Variants in HS3ST5 observed in about 807,000 individuals in gnomAD.
HS3ST5 encodes the protein heparan sulfate-glucosamine 3-sulfotransferase 5.
HS3ST5 carries 10 observed loss-of-function variants against 25.4 expected under a neutral mutation model. The observed-to-expected ratio is 0.39, with a 90% CI of 0.24 to 0.67. The LOEUF is 0.67. HS3ST5 is among the 30% of genes least tolerant of loss of function. HS3ST5 has a pLI of 0.44. For synonymous variants in HS3ST5, 170 were observed against 162.4 expected (o/e 1.05, Z -0.36); for missense variants, 324 against 420.7 (o/e 0.77, Z 2.01).
intron 3 of HS3ST5, among the ~76,000 whole-genome samples, chr6:114,097,176 C>T (rs1021673535): frequency 6.6e-6 from 1 of 151,748 alleles, no homozygotes; most frequent in African/African-American, 2.4e-5. Context: ...ATATGTATCT[C>T]TATACATATA....
chr6:114,089,994 C>A (rs949997018), intron 3 of HS3ST5, among the ~76,000 whole-genome samples: 1 of 152,166 alleles, frequency 6.6e-6, no homozygotes. Flanking sequence ...GAAGCTCTGG[C>A]GTTGGGGAGG....
chr6:114,286,771 T>G (rs543279913), intron 1 of HS3ST5, among the ~76,000 whole-genome samples: 48 of 152,120 alleles, frequency 3.2e-4, no homozygotes, highest in African/African-American at 1.2e-3. Flanking sequence ...AGTAATTAAT[T>G]TTAAAAAGAA....
intron 1 of HS3ST5, among the ~76,000 whole-genome samples, chr6:114,237,935 A>T (rs1771933797): frequency 6.6e-6 from 1 of 152,192 alleles, no homozygotes; most frequent in Non-Finnish European, 1.5e-5. Context: ...TCTAAAAGCA[A>T]TTTTGTATCT....
intron 1 of HS3ST5, among the ~76,000 whole-genome samples, chr6:114,229,939 C>T (rs1294882714): frequency 6.6e-6 from 1 of 152,084 alleles, no homozygotes; most frequent in African/African-American, 2.4e-5. Flanking sequence ...CCTGTGTAAA[C>T]CATTCAGTTG....
chr6:114,278,372 G>C (rs983860647), intron 1 of HS3ST5, among the ~76,000 whole-genome samples: 3 of 151,552 alleles, frequency 2.0e-5, no homozygotes, highest in Admixed American at 1.3e-4. Context: ...GCATAATTTT[G>C]CTTGCAAATT....
chr6:114,338,522 C>A (rs1776699900), intron 1 of HS3ST5, among the ~76,000 whole-genome samples: 1 of 151,804 alleles, frequency 6.6e-6, no homozygotes, highest in Non-Finnish European at 1.5e-5. Flanking sequence ...TAGTAAGACA[C>A]CATAATGGAA....
chr6:114,108,493 C>T (rs1776100285), intron 3 of HS3ST5, among the ~76,000 whole-genome samples: 1 of 152,076 alleles, frequency 6.6e-6, no homozygotes, highest in South Asian at 2.1e-4. Flanking sequence ...CTGGTGATGC[C>T]GGCCCCTAGA....
intron 3 of HS3ST5, among the ~76,000 whole-genome samples, chr6:114,079,978 T>C (rs973734244): frequency 2.0e-5 from 3 of 152,108 alleles, no homozygotes; most frequent in Non-Finnish European, 4.4e-5. Flanking sequence ...GGTTTCTCCA[T>C]GTTGGTCAGG....
chr6:114,099,457 T>C (rs1478402304), intron 3 of HS3ST5, among the ~76,000 whole-genome samples: 1 of 152,164 alleles, frequency 6.6e-6, no homozygotes, highest in Non-Finnish European at 1.5e-5. Context: ...TTTCAGATCA[T>C]TGTTTTTCCT....
At chr6:114,144,118 C>T (rs1397412925) in intron 3 of HS3ST5, among the ~76,000 whole-genome samples, 1 of 152,200 alleles carries the variant, frequency 6.6e-6, no homozygotes, top group Non-Finnish European at 1.5e-5. Context: ...CAACTGTGTT[C>T]ACCACTCTAC....
intron 1 of HS3ST5, among the ~76,000 whole-genome samples, chr6:114,320,698 T>C (rs1775929720): frequency 1.3e-5 from 2 of 151,990 alleles, no homozygotes; most frequent in Non-Finnish European, 2.9e-5. Flanking sequence ...GTCCCTTACA[T>C]CACCTTAACC....
chr6:114,197,958 T>C (rs1670916785), intron 2 of HS3ST5, among the ~76,000 whole-genome samples: 1 of 152,102 alleles, frequency 6.6e-6, no homozygotes, highest in South Asian at 2.1e-4. Flanking sequence ...ATGTCTGAGT[T>C]GATGGACATG....
Position 114,057,311 on chromosome 6 carries a change from A to T in HS3ST5, c.987T>A (p.His329Gln). 4 of 1,614,040 alleles carry T rather than the reference A, an allele frequency of 2.5e-6. No homozygotes were observed. The highest frequency in any genetic ancestry group is 3.4e-6 in the Non-Finnish European group (4 of 1,179,984). The part of the protein sequence containing the change: ...SVITKLRKFF[H>Q]PFNQKFYQIT... ...TCTGGTAAAATTTTTGATTAAAAGGATGAAAGAATTTGCGCAATTTAGTAA... is the reference window on the plus strand; with the variant it reads ...TCTGGTAAAATTTTTGATTAAAAGGTTGAAAGAATTTGCGCAATTTAGTAA... Residue 329 changes from histidine to glutamine, a missense_variant, in exon 5 of 5, where the codon CAT (histidine) becomes CAA (glutamine). By Grantham distance (24) the His-to-Gln change is conservative (BLOSUM62 0). Around this residue, in one of 2 missense-constraint regions of HS3ST5, gnomAD observed 203 missense variants for 303.4 expected, o/e 0.67. Transcript: ENST00000312719.
At chr6:114,238,109 G>A (rs1771942303) in intron 1 of HS3ST5, among the ~76,000 whole-genome samples, 1 of 152,234 alleles carries the variant, frequency 6.6e-6, no homozygotes, top group Non-Finnish European at 1.5e-5. Flanking sequence ...TTGAGACTTA[G>A]TCTGCTTAAA....
intron 2 of HS3ST5, among the ~76,000 whole-genome samples, chr6:114,216,959 A>G (rs993545737): frequency 6.6e-6 from 1 of 152,136 alleles, no homozygotes; most frequent in African/African-American, 2.4e-5. Context: ...GCTTTTTCAT[A>G]AAGCTCTTCT....
At chr6:114,281,867 G>A (rs1398271622) in intron 1 of HS3ST5, 4 of 151,878 alleles carry the variant, frequency 2.6e-5, no homozygotes, top group African/African-American at 4.8e-5. Flanking sequence ...ATTGGGAGAC[G>A]GCAGGAAATT....
intron 1 of HS3ST5, among the ~76,000 whole-genome samples, chr6:114,273,986 TG>T (rs1773743154): frequency 6.6e-6 from 1 of 152,040 alleles, no homozygotes; most frequent in Admixed American, 6.6e-5. Context: ...TTTACATATG[TG>T]GGAAAGATCT....
intron 1 of HS3ST5, among the ~76,000 whole-genome samples, chr6:114,242,801 C>T (rs1222479985): frequency 6.8e-6 from 1 of 146,298 alleles, no homozygotes; most frequent in South Asian, 2.1e-4. Flanking sequence ...TGCAGTGAGC[C>T]GAGATTGCGC....
chr6:114,076,687 C>T (rs771568965), intron 3 of HS3ST5, among the ~76,000 whole-genome samples: 7 of 152,118 alleles, frequency 4.6e-5, no homozygotes, highest in Non-Finnish European at 7.3e-5. Context: ...ATAAAGAACT[C>T]GTTTTCCTTC....
Sources: allele counts gnomAD v4.1 joint callset (sites outside exome capture counted in the v4.1 genomes callset), GRCh38; gene constraint gnomAD v4.1.1; regional missense constraint gnomAD v4.1.1; transcripts MANE v1.5; gene names NCBI Gene and HGNC (gene_info 2026-07-23, HGNC 2026-07-21).